Variants in FHIP1A observed in about 807,000 individuals in gnomAD.
FHIP1A encodes FHF complex subunit HOOK interacting protein 1A.
A neutral mutation model predicts 88.6 loss-of-function variants in FHIP1A; 61 were observed. The observed-to-expected ratio is 0.69, with a 90% CI of 0.56 to 0.85. The LOEUF (loss-of-function observed/expected upper bound fraction) is 0.85. FHIP1A is among the 40% of genes least tolerant of loss of function. FHIP1A has a pLI of 0.00. For missense variants in FHIP1A, 1,154 were observed against 1,273.5 expected, an observed-to-expected ratio of 0.91 and a Z score of 1.43; for synonymous variants, 478 against 496.0, an observed-to-expected ratio of 0.96 and a Z score of 0.48.
At chr4:151,462,220 A>G (rs1246318312) in intron 2 of FHIP1A, among the ~76,000 whole-genome samples, 1 of 152,144 alleles carries the variant, frequency 6.6e-6, no homozygotes, top group East Asian at 1.9e-4. Context: ...TCTAATATGT[A>G]TCATTAAGGT....
chr4:151,639,445 C>T (rs1736486868), intron 9 of FHIP1A, among the ~76,000 whole-genome samples: 1 of 152,174 alleles, frequency 6.6e-6, no homozygotes, highest in South Asian at 2.1e-4. Flanking sequence ...CCAGCAATCC[C>T]TCTTCTTCTC....
At chr4:151,450,508 TAA>T (rs984827679) in intron 1 of FHIP1A, among the ~76,000 whole-genome samples, 1 of 152,212 alleles carries the variant, frequency 6.6e-6, no homozygotes, top group African/African-American at 2.4e-5. Flanking sequence ...TTGACTTCTG[TAA>T]ACCATGCTGC....
At chr4:151,644,810 C>A (rs1050830054) in intron 9 of FHIP1A, among the ~76,000 whole-genome samples, 1 of 152,180 alleles carries the variant, frequency 6.6e-6, no homozygotes, top group African/African-American at 2.4e-5. Flanking sequence ...GCTGTGCACC[C>A]TGGCGCCCTC....
At chr4:151,633,823 T>C (rs1390190014) in intron 8 of FHIP1A, among the ~76,000 whole-genome samples, 1 of 151,914 alleles carries the variant, frequency 6.6e-6, no homozygotes, top group Admixed American at 6.6e-5. Context: ...AAAGGCCTTA[T>C]ATGAAAAGCC....
At position 151,659,448 on chromosome 4, in the gene FHIP1A, G is replaced by A. The variant is rs530384657; in HGVS notation, c.2869+2550G>A. Among the ~76,000 whole-genome samples, 23 of 152,240 alleles carry A rather than the reference G, an allele frequency of 1.5e-4. No homozygotes were observed. In the South Asian group the frequency reaches 4.8e-3, roughly 32 times the overall value. ...TTTACAATGAAGAATTATGGTAATG[G>A]GCCAAATATTTGGGTTTCCAAGTGT... is the stretch of plus-strand genomic sequence containing the variant. On this transcript the variant is annotated intron_variant, in intron 13 of 13. Transcript: ENST00000435205.
intron 3 of FHIP1A, among the ~76,000 whole-genome samples, chr4:151,532,051 T>G (rs972324089): frequency 6.6e-6 from 1 of 152,236 alleles, no homozygotes; most frequent in Non-Finnish European, 1.5e-5. Context: ...CATCGCATAT[T>G]TCAATGCTGC....
intron 3 of FHIP1A, among the ~76,000 whole-genome samples, chr4:151,495,021 A>G (rs574476415): frequency 6.2e-4 from 95 of 152,228 alleles, no homozygotes; most frequent in African/African-American, 2.2e-3. Context: ...TTTTTTATAC[A>G]TTAATTTTGT....
At chr4:151,471,774 C>A (rs756800927) in intron 2 of FHIP1A, among the ~76,000 whole-genome samples, 72 of 152,054 alleles carry the variant, frequency 4.7e-4, no homozygotes, top group Non-Finnish European at 9.6e-4. Context: ...CTCTTCCCAC[C>A]CATTCCCCCT....
At chr4:151,577,302 G>C (rs912383067) in intron 4 of FHIP1A, 148 bp from the exon 5 acceptor site, 1 of 598,806 alleles carries the variant, frequency 1.7e-6, no homozygotes, top group Non-Finnish European at 2.9e-6. Flanking sequence ...TTGAGAGGGA[G>C]ACACACACAC....
chr4:151,465,362 A>T (rs760441784), intron 2 of FHIP1A, among the ~76,000 whole-genome samples: 6 of 152,234 alleles, frequency 3.9e-5, no homozygotes, highest in Non-Finnish European at 5.9e-5. Context: ...ACAAATTCTG[A>T]AATTGAGGCA....
chr4:151,453,809 C>T (rs926525152), intron 1 of FHIP1A, among the ~76,000 whole-genome samples: 1 of 151,922 alleles, frequency 6.6e-6, no homozygotes. Context: ...GCGGAGGTTG[C>T]GGTGAGCCGA....
intron 3 of FHIP1A, among the ~76,000 whole-genome samples, chr4:151,540,533 T>C (rs1400020517): frequency 1.3e-5 from 2 of 152,198 alleles, no homozygotes; most frequent in African/African-American, 2.4e-5. Context: ...TCTCATTAAG[T>C]GGTGCTTATT....
At chr4:151,551,265 A>G (rs972090377) in intron 3 of FHIP1A, among the ~76,000 whole-genome samples, 1 of 152,230 alleles carries the variant, frequency 6.6e-6, no homozygotes, top group African/African-American at 2.4e-5. Context: ...TTGTACAAGT[A>G]TAACTAAGAT....
intron 3 of FHIP1A, among the ~76,000 whole-genome samples, chr4:151,515,254 A>AC (rs529293456): frequency 0.5 from 73,092 of 144,856 alleles, 18,559 homozygotes; most frequent in Non-Finnish European, 0.54. Flanking sequence ...AAATTCAACA[A>AC]CCTTCATGCT....
intron 2 of FHIP1A, among the ~76,000 whole-genome samples, chr4:151,458,442 G>C (rs1476905811): frequency 6.6e-6 from 1 of 152,112 alleles, no homozygotes; most frequent in Non-Finnish European, 1.5e-5. Context: ...AGGTACTTTG[G>C]GAAGTGATTT....
At chr4:151,454,009 A>G (rs577255748) in intron 1 of FHIP1A, among the ~76,000 whole-genome samples, 2 of 152,264 alleles carry the variant, frequency 1.3e-5, no homozygotes, top group South Asian at 4.1e-4. Flanking sequence ...TAAAAACCAA[A>G]TATTCGTTAT....
At chr4:151,496,862 A>G (rs1730482938) in intron 3 of FHIP1A, among the ~76,000 whole-genome samples, 1 of 151,930 alleles carries the variant, frequency 6.6e-6, no homozygotes, top group African/African-American at 2.4e-5. Flanking sequence ...GCCCTTGGCC[A>G]GGAATAGATT....
In FHIP1A at chr4:151,662,647, G is replaced by T. The variant is rs965976892; in HGVS notation, c.3016G>T (p.Ala1006Ser). The T allele has an allele frequency of 9.0e-6, 14 of 1,551,540 alleles. No homozygotes were observed. The highest frequency in any genetic ancestry group is 1.2e-5 in the Non-Finnish European group (14 of 1,146,978). Residue 1006 changes from alanine to serine, a missense_variant, in exon 14 of 14, where the codon GCT becomes TCT. Coordinates refer to ENST00000435205, the MANE Select transcript of FHIP1A (RefSeq NM_001109977.3). ...LPLPVRNPML[A>S]AALFPEFLKE... ...CCTGCCGGTGAGGAACCCCATGCTG[G>T]CTGCTGCCCTCTTCCCAGAGTTCCT...
At position 151,577,486 on chromosome 4, in the gene FHIP1A, A is replaced by G; in HGVS notation, c.142A>G (p.Asn48Asp). The change falls in exon 5 of 14, where the codon AAC becomes GAC. Residue 48 changes from asparagine to aspartate, a missense_variant. Transcript: ENST00000435205. ...KILEKHDPLK[N>D]TQAKYGSIPP... is the part of the protein sequence containing the mutation. ...CTTGGAGAAGCACGACCCCTTGAAGAACACCCAGGCAAAATATGGGTCTAT... is the reference window on the plus strand; with the variant it reads ...CTTGGAGAAGCACGACCCCTTGAAGGACACCCAGGCAAAATATGGGTCTAT... The G allele has an allele frequency of 6.5e-7, 1 of 1,545,882 alleles. No individual in the cohort carries two copies. The highest frequency in any genetic ancestry group is 2.5e-5 in the East Asian group (1 of 40,786).
Sources: gnomAD v4.1 joint callset for allele counts (sites outside exome capture counted in the v4.1 genomes callset) on GRCh38, gnomAD v4.1.1 for gene constraint, MANE v1.5 for transcripts, NCBI Gene and HGNC (gene_info 2026-07-23, HGNC 2026-07-21) for gene names.